DPYSL3: variants seen among roughly 807,000 people sequenced by gnomAD.
DPYSL3 encodes dihydropyrimidinase-related protein 3.
In DPYSL3, 16 loss-of-function variants were observed where a neutral mutation model predicts 66.1. That is an observed-to-expected ratio of 0.24 (90% CI 0.16 to 0.37). DPYSL3 has a LOEUF of 0.37. Ranked by LOEUF, DPYSL3 falls within the 10% of genes least tolerant of loss-of-function variation. The pLI, the probability that DPYSL3 is intolerant of heterozygous loss-of-function variation, is 1.00. For missense variants in DPYSL3, 738 were observed against 916.2 expected, an observed-to-expected ratio of 0.81 and a Z score of 2.51; for synonymous variants, 338 against 345.1, an observed-to-expected ratio of 0.98 and a Z score of 0.23.
intron 12 of DPYSL3, among the ~76,000 whole-genome samples, chr5:147,395,948 C>G (rs1757957784): frequency 6.6e-6 from 1 of 151,986 alleles, no homozygotes; most frequent in South Asian, 2.1e-4. Flanking sequence ...AGATGAGCTT[C>G]GATCAGAAGG....
At chr5:147,437,169 G>A (rs1347950187) in intron 1 of DPYSL3, among the ~76,000 whole-genome samples, 1 of 152,216 alleles carries the variant, frequency 6.6e-6, no homozygotes, top group African/African-American at 2.4e-5. Flanking sequence ...TCCCTCTTAA[G>A]AAGCAGCTCT....
At chr5:147,427,915 C>A (rs924906757) in intron 1 of DPYSL3, among the ~76,000 whole-genome samples, 2 of 152,140 alleles carry the variant, frequency 1.3e-5, no homozygotes, top group African/African-American at 4.8e-5. Context: ...TGGAAAGGGG[C>A]CAGTTTCTGT....
At chr5:147,470,915 T>C (rs1753076786) in intron 1 of DPYSL3, among the ~76,000 whole-genome samples, 1 of 152,116 alleles carries the variant, frequency 6.6e-6, no homozygotes, top group Non-Finnish European at 1.5e-5. Flanking sequence ...CCTCCACCTA[T>C]AAAGTATGTT....
Position 147,509,902 on chromosome 5 carries a change from G to A in DPYSL3, c.-44C>T, listed in dbSNP as rs1443105660. The A allele has an allele frequency of 1.4e-6, 2 of 1,471,310 alleles. No homozygotes were observed. Among genetic ancestry groups the A allele is most frequent in the East Asian group, 2.5e-5 (1 of 39,764 alleles). The allele number at this position is 1,471,310 out of a possible 1,614,324, so 91.1% of individuals were successfully genotyped here. ...GCCCGCGGGTTTTTCTTCCCCAGAG[G>A]CGGAAAGGGCAGCCGCCGGCAGCGT... is the stretch of plus-strand genomic sequence containing the variant. On this transcript the variant is annotated 5_prime_UTR_variant, in exon 1 of 14. Transcript: ENST00000343218. The surrounding 1 kb of genome is among the most constrained non-coding windows in gnomAD (Gnocchi z 5.3).
chr5:147,434,868 C>G (rs1205750169), intron 1 of DPYSL3, among the ~76,000 whole-genome samples: 1 of 152,240 alleles, frequency 6.6e-6, no homozygotes, highest in African/African-American at 2.4e-5. Context: ...TGTTAAGACC[C>G]GTAGAACTAC....
intron 1 of DPYSL3, among the ~76,000 whole-genome samples, chr5:147,469,205 T>C (rs1276995475): frequency 6.6e-6 from 1 of 152,224 alleles, no homozygotes. Context: ...GCATCACTGA[T>C]AGCAGCTGTA....
At chr5:147,394,581 T>C (rs990230935) in intron 13 of DPYSL3, among the ~76,000 whole-genome samples, 1 of 152,012 alleles carries the variant, frequency 6.6e-6, no homozygotes, top group Non-Finnish European at 1.5e-5. Flanking sequence ...GTCAGGTCTT[T>C]GTGACAACAG....
intron 1 of DPYSL3, among the ~76,000 whole-genome samples, chr5:147,428,741 C>CGTGTTCTCACTT (rs1752247481): frequency 7.6e-6 from 1 of 131,608 alleles, no homozygotes; most frequent in African/African-American, 4.0e-5. Flanking sequence ...TCAAACACTA[C>CGTGTTCTCACTT]ATACAATGAG....
At chr5:147,471,334 C>G (rs1455373421) in intron 1 of DPYSL3, among the ~76,000 whole-genome samples, 2 of 152,140 alleles carry the variant, frequency 1.3e-5, no homozygotes, top group Non-Finnish European at 2.9e-5. Flanking sequence ...AGATGTAAGC[C>G]TCCACCTAGG....
chr5:147,498,809 T>C (rs558934876), intron 1 of DPYSL3, among the ~76,000 whole-genome samples: 5 of 152,348 alleles, frequency 3.3e-5, no homozygotes, highest in African/African-American at 1.2e-4. Context: ...TTTTTTCTTG[T>C]ACATTTGTTT....
chr5:147,413,464 G>C, intron 5 of DPYSL3, 132 bp downstream of exon 5: 2 of 691,774 alleles, frequency 2.9e-6, no homozygotes, highest in South Asian at 3.7e-5. Context: ...GACTGCAAAG[G>C]CTTCAAGAAG....
chr5:147,395,450 A>C, intron 13 of DPYSL3, 109 bp downstream of exon 13: 2 of 1,363,178 alleles, frequency 1.5e-6, no homozygotes, highest in Non-Finnish European at 2.0e-6. Context: ...CACCAGTGCT[A>C]GGCTGGAAAA....
intron 5 of DPYSL3, 67 bp from the exon 6 acceptor site, chr5:147,412,755 A>T: frequency 1.4e-6 from 2 of 1,389,116 alleles, no homozygotes; most frequent in East Asian, 2.4e-5. Context: ...AGGGCCAATT[A>T]CCAGAGCCCA....
chr5:147,402,052 G>A (rs2152017491), intron 8 of DPYSL3: 1 of 212,674 alleles, frequency 4.7e-6, no homozygotes, highest in South Asian at 8.2e-5. Flanking sequence ...CTAGTAATGG[G>A]TTCCATGTAT....
chr5:147,434,028 C>CA (rs146353824), intron 1 of DPYSL3, among the ~76,000 whole-genome samples: 73,235 of 137,494 alleles, frequency 0.53, 18,907 homozygotes, highest in East Asian at 0.58. Context: ...AACTCCGTCT[C>CA]AAAAAAAAAA....
intron 1 of DPYSL3, among the ~76,000 whole-genome samples, chr5:147,492,397 T>G (rs1436543991): frequency 6.6e-6 from 1 of 152,108 alleles, no homozygotes; most frequent in Non-Finnish European, 1.5e-5. Context: ...TTTTTCCTAT[T>G]CTTAATGTAT....
intron 10 of DPYSL3, among the ~76,000 whole-genome samples, chr5:147,399,632 T>C (rs558385170): frequency 5.5e-4 from 84 of 152,234 alleles, no homozygotes; most frequent in Non-Finnish European, 1.0e-3. Context: ...ATATGTTGTA[T>C]GCATAGAATA....
chr5:147,497,000 T>C (rs1192699368), intron 1 of DPYSL3, among the ~76,000 whole-genome samples: 1 of 152,106 alleles, frequency 6.6e-6, no homozygotes. Context: ...GGAACCAACC[T>C]AAATGTCCAA....
chr5:147,421,523 T>C (rs878893684), intron 2 of DPYSL3, among the ~76,000 whole-genome samples: 2 of 152,228 alleles, frequency 1.3e-5, no homozygotes, highest in Non-Finnish European at 2.9e-5. Context: ...AAATTTCATA[T>C]GGAACTGAAA....
Sources: allele counts gnomAD v4.1 joint callset (sites outside exome capture counted in the v4.1 genomes callset), GRCh38; gene constraint gnomAD v4.1.1; non-coding constraint Gnocchi (gnomAD v3.1); transcripts MANE v1.5; gene names NCBI Gene and HGNC (gene_info 2026-07-23, HGNC 2026-07-21).